Variants in RDH11 observed in about 807,000 individuals in gnomAD.
The protein encoded by RDH11 is HCV core-binding protein HCBP12.
In RDH11, 19 loss-of-function variants were observed where a neutral mutation model predicts 33.4. The ratio of observed to expected loss-of-function variants is 0.57; its 90% CI spans 0.40 to 0.83. The LOEUF is 0.83. Ranked by LOEUF, RDH11 falls within the 40% of genes least tolerant of loss-of-function variation. The probability of loss-of-function intolerance (pLI) is 0.00; values close to 1 mark genes in which losing one functional copy is unlikely to be tolerated. For missense variants in RDH11, 353 were observed against 389.0 expected (o/e 0.91, Z 0.78); for synonymous variants, 154 against 155.3 (o/e 0.99, Z 0.06).
intron 5 of RDH11, 76 bp downstream of exon 5, chr14:67,690,136 A>G (rs1044292308): frequency 2.2e-5 from 30 of 1,359,182 alleles, no homozygotes; most frequent in Non-Finnish European, 2.1e-6. Context: ...TGGGCTCTGG[A>G]AACAGTTTCC....
At chr14:67,682,015 TG>T (rs1265933243) in intron 6 of RDH11, among the ~76,000 whole-genome samples, 30 of 152,308 alleles carry the variant, frequency 2.0e-4, no homozygotes, top group African/African-American at 5.5e-4. Context: ...CCTCTCACCA[TG>T]TGATGCCCTC....
chr14:67,682,426 C>T (rs571939082), intron 6 of RDH11, among the ~76,000 whole-genome samples: 1 of 152,086 alleles, frequency 6.6e-6, no homozygotes, highest in Non-Finnish European at 1.5e-5. Flanking sequence ...AGACAATTAT[C>T]CAACTTAAAA....
At position 67,678,122 on chromosome 14, in the gene RDH11, C is replaced by G; in HGVS notation, c.*199G>C. On this transcript the variant is annotated 3_prime_UTR_variant, in exon 7 of 7. Transcript: ENST00000381346. Reference sequence around the variant, plus strand: ...CTAGTAACTCTGGCAGTAACAGAAGCAAAGTAAATCTGGACATGACAGACA... The same window carrying G: ...CTAGTAACTCTGGCAGTAACAGAAGGAAAGTAAATCTGGACATGACAGACA... 5.9e-6 allele frequency: 3 copies of G among 511,668 alleles called. No individual in the cohort carries two copies. Among genetic ancestry groups the G allele is most frequent in the Non-Finnish European group, 1.1e-5 (3 of 282,576 alleles). 31.7% of individuals were successfully genotyped at this position (511,668 alleles called of 1,614,324 possible).
At chr14:67,689,894 G>C (rs375366000) in intron 5 of RDH11, among the ~76,000 whole-genome samples, 1 of 151,900 alleles carries the variant, frequency 6.6e-6, no homozygotes, top group Non-Finnish European at 1.5e-5. Flanking sequence ...GCAGTGAGCC[G>C]AGATTGCACC....
intron 1 of RDH11, among the ~76,000 whole-genome samples, chr14:67,694,992 C>CAAT (rs1263543505): frequency 6.6e-6 from 1 of 152,184 alleles, no homozygotes; most frequent in Non-Finnish European, 1.5e-5. Context: ...ATCACCTGGT[C>CAAT]AATACCTTCC....
Position 67,695,728 on chromosome 14 carries a change from AGCGG to A in RDH11, c.-29_-26del. On this transcript the variant is annotated 5_prime_UTR_variant, in exon 1 of 7. Transcript: ENST00000381346. The stretch of plus-strand genomic sequence containing the variant: ...TCTCTGCCGGCTGCAGCGGCACCAG[AGCGG>A]GATGCTCCAGCGTTGCTCGCCGACT... 1 of 1,611,296 alleles carries A rather than the reference AGCGG, an allele frequency of 6.2e-7. No individual in the cohort carries two copies.
At chr14:67,685,759 G>GTGT (rs1005245504) in intron 5 of RDH11, among the ~76,000 whole-genome samples, 2 of 151,982 alleles carry the variant, frequency 1.3e-5, no homozygotes, top group African/African-American at 4.8e-5. Flanking sequence ...GGGACTACAG[G>GTGT]GGTGCGCCAC....
chr14:67,685,173 AG>A lies in RDH11; in HGVS notation c.695del (p.Pro232LeufsTer15). On this transcript the variant is annotated frameshift_variant, in exon 6 of 7. Coordinates refer to ENST00000381346, the MANE Select transcript of RDH11 (RefSeq NM_016026.4). LOFTEE classifies it high-confidence loss of function. The part of the protein sequence containing the change: ...GSGVTTYSVH[P>X]GTVQSELVRH... ...GAACCAGTTCAGATTGGACTGTGCC[AG>A]GGTGTACAGAATACGTCGTAACGCC... 8.1e-6 allele frequency: 13 copies of A among 1,614,116 alleles called. No individual in the cohort carries two copies. Among genetic ancestry groups the A allele is most frequent in the Non-Finnish European group, 1.1e-5 (13 of 1,180,008 alleles).
intron 1 of RDH11, among the ~76,000 whole-genome samples, chr14:67,694,983 T>TC (rs1214317622): frequency 6.6e-6 from 1 of 152,162 alleles, no homozygotes; most frequent in Non-Finnish European, 1.5e-5. Flanking sequence ...GATTGATCTA[T>TC]CACCTGGTCA....
At chr14:67,678,491 G>A (rs371571070) in intron 6 of RDH11, 68 bp from the exon 7 acceptor site, 4 of 1,047,014 alleles carry the variant, frequency 3.8e-6, no homozygotes, top group Admixed American at 1.8e-5. Flanking sequence ...CCAGGGATAA[G>A]GAATATGACA....
intron 5 of RDH11, among the ~76,000 whole-genome samples, chr14:67,685,489 C>A (rs772436483): frequency 1.2e-4 from 19 of 152,128 alleles, no homozygotes; most frequent in Non-Finnish European, 2.5e-4. Context: ...ACATCGTTGA[C>A]CACCCCCTTC....
chr14:67,677,462 A>T lies in RDH11; in HGVS notation c.*859T>A, dbSNP rs1161411705. On this transcript the variant is annotated 3_prime_UTR_variant, in exon 7 of 7. Coordinates refer to ENST00000381346, the MANE Select transcript of RDH11 (RefSeq NM_016026.4). ...CCCTCAATTCCTCCATAGCTATGTT[A>T]GCATATTTAATATCTTTTGCTATTA... The T allele has an allele frequency of 7.9e-6, 1 of 126,564 alleles. No homozygotes were observed. Among genetic ancestry groups the T allele is most frequent in the Non-Finnish European group, 1.6e-5 (1 of 64,088 alleles). 7.8% of individuals were successfully genotyped at this position (126,564 alleles called of 1,614,324 possible).
chr14:67,680,689 G>A (rs1883714182), intron 6 of RDH11, among the ~76,000 whole-genome samples: 1 of 152,088 alleles, frequency 6.6e-6, no homozygotes, highest in Admixed American at 6.6e-5. Context: ...GAACTCCTGG[G>A]CTCAAGTAGT....
chr14:67,683,037 T>TA (rs2037633593), intron 6 of RDH11, among the ~76,000 whole-genome samples: 1 of 152,232 alleles, frequency 6.6e-6, no homozygotes, highest in Non-Finnish European at 1.5e-5. Context: ...GGCAAATTCT[T>TA]AGAGACATAA....
At position 67,692,998 on chromosome 14, in the gene RDH11, T is replaced by C. The variant is rs1017569645; in HGVS notation, c.129A>G (p.Val43=). 4 of 1,614,202 alleles carry C rather than the reference T, an allele frequency of 2.5e-6. No homozygotes were observed. In the Admixed American group the frequency reaches 5.0e-5, roughly 20 times the overall value. The change falls in exon 2 of 7, where the codon GTA becomes GTG. Residue 43 remains valine (V), a synonymous_variant. Transcript: ENST00000381346. ...CTGTATTAGCTCCTGTGACCACAACTACTTTCCCAGGAAGCTGAACAGTTG... is the reference window on the plus strand; with the variant it reads ...CTGTATTAGCTCCTGTGACCACAACCACTTTCCCAGGAAGCTGAACAGTTG... The part of the protein sequence containing the change: ...CTSTVQLPGK[V]VVVTGANTGI...
intron 5 of RDH11, among the ~76,000 whole-genome samples, chr14:67,689,053 A>T (rs2037716308): frequency 6.6e-6 from 1 of 152,220 alleles, no homozygotes; most frequent in Admixed American, 6.5e-5. Context: ...TTCATGTATT[A>T]GTGAATTCTC....
At position 67,678,282 on chromosome 14, in the gene RDH11, C is replaced by T. The variant is rs752905689; in HGVS notation, c.*39G>A. 2.7e-5 allele frequency: 34 copies of T among 1,247,094 alleles called. 1 individual carries two copies. The South Asian group carries it at 3.9e-4, about 14-fold the overall frequency. The allele number at this position is 1,247,094 out of a possible 1,614,324, so 77.3% of individuals were successfully genotyped here. Reference sequence around the variant, plus strand: ...ATTTTGACAAGAAGTACTGTGTAGTCTGCTGCAGTCTTCTCTTGGGTCCAA... The same window carrying T: ...ATTTTGACAAGAAGTACTGTGTAGTTTGCTGCAGTCTTCTCTTGGGTCCAA... On this transcript the variant is annotated 3_prime_UTR_variant, in exon 7 of 7. Coordinates refer to ENST00000381346, the MANE Select transcript of RDH11 (RefSeq NM_016026.4).
At chr14:67,685,249 T>C (rs1475568844) in intron 5 of RDH11, 45 bp from the exon 6 acceptor site, 1 of 1,540,236 alleles carries the variant, frequency 6.5e-7, no homozygotes, top group African/African-American at 1.4e-5. Flanking sequence ...GGACTTGATT[T>C]TGCAGAATAG....
rs1053818945 is a variant in RDH11, at chr14:67,691,393, C to T, written c.350-149G>A. 3.8e-5 allele frequency: 23 copies of T among 597,930 alleles called. No homozygotes were observed. In the African/African-American group the frequency reaches 4.3e-4, roughly 11 times the overall value. 37.0% of individuals were successfully genotyped at this position (597,930 alleles called of 1,614,324 possible). On this transcript the variant is annotated intron_variant, in intron 3 of 6. Transcript: ENST00000381346. The stretch of plus-strand genomic sequence containing the variant: ...TTCATATTTATTTTCTATTGTTTTT[C>T]ATTTTAAGACTTTAGTTGAATCCCA...
Sources: gnomAD v4.1 joint callset for allele counts (sites outside exome capture counted in the v4.1 genomes callset) on GRCh38, gnomAD v4.1.1 for gene constraint, MANE v1.5 for transcripts, NCBI Gene and HGNC (gene_info 2026-07-23, HGNC 2026-07-21) for gene names.